RHEX: variants seen among roughly 807,000 people sequenced by gnomAD.
The protein encoded by RHEX is regulator of hemoglobinization and erythroid cell expansion, also known as regulator of hemoglobinization and erythroid cell expansion protein.
RHEX carries 18 observed loss-of-function variants against 20.1 expected under a neutral mutation model. The ratio of observed to expected loss-of-function variants is 0.90; its 90% CI spans 0.62 to 1.33. RHEX has a LOEUF of 1.33. RHEX is among the 40% of genes most tolerant of loss of function. The probability of loss-of-function intolerance (pLI) is 0.00; values close to 1 mark genes in which losing one functional copy is unlikely to be tolerated. For synonymous variants in RHEX, 87 were observed against 77.1 expected (o/e 1.13, Z -0.67); for missense variants, 192 against 214.3 (o/e 0.90, Z 0.65).
At chr1:206,057,803 A>G (rs1334851490) in intron 1 of RHEX, among the ~76,000 whole-genome samples, 1 of 152,254 alleles carries the variant, frequency 6.6e-6, no homozygotes, top group Non-Finnish European at 1.5e-5. Flanking sequence ...TTACAATACT[A>G]TGGACCTGCC....
chr1:206,087,119 A>G (rs1434273251), intron 1 of RHEX, among the ~76,000 whole-genome samples: 1 of 151,826 alleles, frequency 6.6e-6, no homozygotes, highest in Non-Finnish European at 1.5e-5. Context: ...GATGTCCTAA[A>G]CACAATCTAT....
At chr1:206,066,074 A>T (rs1273528295) in intron 1 of RHEX, among the ~76,000 whole-genome samples, 1 of 152,230 alleles carries the variant, frequency 6.6e-6, no homozygotes, top group Non-Finnish European at 1.5e-5. Context: ...TTCTCATTCA[A>T]ATCAGTACCT....
chr1:206,058,802 C>T (rs1253242280), intron 1 of RHEX, among the ~76,000 whole-genome samples: 2 of 152,104 alleles, frequency 1.3e-5, no homozygotes, highest in African/African-American at 2.4e-5. Flanking sequence ...ATTGTGCATT[C>T]GGGGAGCTCG....
chr1:206,055,507 G>C (rs1202753616), intron 1 of RHEX, among the ~76,000 whole-genome samples: 2 of 152,244 alleles, frequency 1.3e-5, no homozygotes, highest in Admixed American at 1.3e-4. Flanking sequence ...ATCGTAAAGC[G>C]AGAGAAGCCC....
chr1:206,092,187 G>A (rs1662968134), intron 1 of RHEX, among the ~76,000 whole-genome samples: 1 of 151,966 alleles, frequency 6.6e-6, no homozygotes, highest in African/African-American at 2.4e-5. Flanking sequence ...GCCTCCCAAA[G>A]TGCTAGGATT....
At chr1:206,084,567 G>T (rs1175347037) in intron 1 of RHEX, among the ~76,000 whole-genome samples, 1 of 152,104 alleles carries the variant, frequency 6.6e-6, no homozygotes, top group African/African-American at 2.4e-5. Flanking sequence ...ACCTGGGAGG[G>T]GCTCAGACAA....
intron 1 of RHEX, among the ~76,000 whole-genome samples, chr1:206,056,010 T>C (rs1027685252): frequency 6.6e-6 from 1 of 152,262 alleles, no homozygotes; most frequent in Non-Finnish European, 1.5e-5. Context: ...TTTTAATAAA[T>C]ACCAAAGGAC....
Position 206,101,160 on chromosome 1 carries a change from G to T in RHEX, c.281G>T (p.Ser94Ile), listed in dbSNP as rs1553288334. The change falls in exon 5 of 6, where the codon AGC becomes ATC. Residue 94 changes from serine to isoleucine, a missense_variant. By Grantham distance (142) the Ser-to-Ile change is moderately radical. Coordinates refer to ENST00000331555, the MANE Select transcript of RHEX (RefSeq NM_001007544.4). ...YRHDSDTPSD[S>I]LDSSCSSPPA... ...GATGACAGCGACACACCCTCAGATAGCTTGGATAGCTCCTGCAGTTCGCCT... is the reference window on the plus strand; with the variant it reads ...GATGACAGCGACACACCCTCAGATATCTTGGATAGCTCCTGCAGTTCGCCT... 1 of 1,613,060 alleles carries T rather than the reference G, an allele frequency of 6.2e-7. No homozygotes were observed. The highest frequency in any genetic ancestry group is 1.1e-5 in the South Asian group (1 of 90,864).
intron 1 of RHEX, among the ~76,000 whole-genome samples, chr1:206,070,468 A>G (rs1290324727): frequency 2.0e-5 from 3 of 151,774 alleles, no homozygotes; most frequent in African/African-American, 7.3e-5. Context: ...AACATCCCCA[A>G]AGAAAAAAAA....
intron 1 of RHEX, among the ~76,000 whole-genome samples, chr1:206,056,867 C>T (rs1184766808): frequency 6.6e-6 from 1 of 152,228 alleles, no homozygotes; most frequent in African/African-American, 2.4e-5. Context: ...TGTGTCAATA[C>T]TGGTCTTGCG....
chr1:206,088,262 CACTT>C (rs1662876852), intron 1 of RHEX, among the ~76,000 whole-genome samples: 1 of 152,270 alleles, frequency 6.6e-6, no homozygotes, highest in African/African-American at 2.4e-5. Flanking sequence ...GTTTTGTTAA[CACTT>C]ACATGTATCT....
At chr1:206,053,726 G>T (rs911108592) in intron 1 of RHEX, among the ~76,000 whole-genome samples, 3 of 152,208 alleles carry the variant, frequency 2.0e-5, no homozygotes, top group Non-Finnish European at 2.9e-5. Flanking sequence ...GCCTGGACAG[G>T]TCCCTTGTTT....
chr1:206,083,242 G>T (rs1306882800), intron 1 of RHEX, among the ~76,000 whole-genome samples: 1 of 152,234 alleles, frequency 6.6e-6, no homozygotes, highest in Non-Finnish European at 1.5e-5. Context: ...GCACATTGGT[G>T]CCAGAGCTGG....
At chr1:206,056,829 A>G (rs1050215146) in intron 1 of RHEX, among the ~76,000 whole-genome samples, 3 of 152,270 alleles carry the variant, frequency 2.0e-5, no homozygotes, top group Non-Finnish European at 4.4e-5. Flanking sequence ...AAATAAGTAT[A>G]TCTGTCAAGA....
At position 206,088,648 on chromosome 1, in the gene RHEX, A is replaced by G. The variant is rs563403103; in HGVS notation, c.-96-9085A>G. Among the ~76,000 whole-genome samples the G allele has an allele frequency of 2.6e-5, 4 of 152,330 alleles. No homozygotes were observed. The South Asian group carries it at 8.3e-4, about 32-fold the overall frequency. On this transcript the variant is annotated intron_variant, in intron 1 of 5. Transcript: ENST00000331555. Reference sequence around the variant, plus strand: ...CAGTGAGCCAAGATTGCGCCACTGCACTCCAGCCTGGGGACAGAGCGAGAC... The same window carrying G: ...CAGTGAGCCAAGATTGCGCCACTGCGCTCCAGCCTGGGGACAGAGCGAGAC...
At chr1:206,099,545 G>C (rs1417202141) in intron 3 of RHEX, 110 bp from the exon 4 acceptor site, 6 of 976,666 alleles carry the variant, frequency 6.1e-6, no homozygotes, top group Non-Finnish European at 4.5e-6. Context: ...TCTCGAACTT[G>C]TGACCTCAAG....
chr1:206,064,427 G>C (rs1476106397), intron 1 of RHEX, among the ~76,000 whole-genome samples: 14 of 106,936 alleles, frequency 1.3e-4, no homozygotes, highest in South Asian at 3.3e-4. Flanking sequence ...CGCCCCGTCC[G>C]GGAGGGAGGT....
At chr1:206,099,875 C>A in intron 4 of RHEX, 77 bp downstream of exon 4, 1 of 1,405,450 alleles carries the variant, frequency 7.1e-7, no homozygotes, top group Non-Finnish European at 9.9e-7. Context: ...CTCCCTGCAG[C>A]AACCCCATGG....
At chr1:206,072,035 T>C (rs1234865705) in intron 1 of RHEX, among the ~76,000 whole-genome samples, 2 of 152,104 alleles carry the variant, frequency 1.3e-5, no homozygotes, top group African/African-American at 4.8e-5. Context: ...TTAGAACCTG[T>C]CTCAGGTACC....
Sources: allele counts gnomAD v4.1 joint callset (sites outside exome capture counted in the v4.1 genomes callset), GRCh38; gene constraint gnomAD v4.1.1; transcripts MANE v1.5; gene names NCBI Gene and HGNC (gene_info 2026-07-23, HGNC 2026-07-21).